YEATS4: variants seen among roughly 807,000 people sequenced by gnomAD.
YEATS4 encodes the protein YEATS domain-containing protein 4.
Under a neutral mutation model 30.1 loss-of-function variants are expected in YEATS4, and 17 were observed. The observed-to-expected ratio is 0.56, with a 90% CI of 0.39 to 0.85. The LOEUF (loss-of-function observed/expected upper bound fraction) is 0.85, where lower values mean the gene tolerates loss of function less well. Ranked by LOEUF, YEATS4 falls within the 40% of genes least tolerant of loss-of-function variation. The pLI is 0.00. For synonymous variants in YEATS4, 85 were observed against 87.5 expected (o/e 0.97, Z 0.16); for missense variants, 142 against 268.3 (o/e 0.53, Z 3.29).
the YEATS4 span, among the ~76,000 whole-genome samples, chr12:69,414,884 C>G: frequency 6.6e-6 from 1 of 152,196 alleles, no homozygotes; most frequent in East Asian, 1.9e-4. Context: ...ACGTGGCTTT[C>G]TTTCTCAGCG....
At chr12:69,368,116 T>C (rs1025272792) in intron 4 of YEATS4, among the ~76,000 whole-genome samples, 1 of 152,236 alleles carries the variant, frequency 6.6e-6, no homozygotes, top group African/African-American at 2.4e-5. Flanking sequence ...AAAAATATTA[T>C]AGGGTTTTTT....
chr12:69,372,758 G>A lies in YEATS4; in HGVS notation c.514+1783G>A, dbSNP rs185498157. ...TCACCATGTTGGCCAAGCTGGTCTC[G>A]AACTCCTGACCTCAGTTAATCCACC... On this transcript the variant is annotated intron_variant, in intron 6 of 6. Transcript: ENST00000247843. Among the ~76,000 whole-genome samples, 16 of 151,902 alleles carry A rather than the reference G, an allele frequency of 1.1e-4. No homozygotes were observed. In the East Asian group the frequency reaches 2.5e-3, roughly 24 times the overall value.
chr12:69,385,675 A>G (rs183019446), intron 6 of YEATS4, among the ~76,000 whole-genome samples: 1 of 152,302 alleles, frequency 6.6e-6, no homozygotes, highest in East Asian at 1.9e-4. Context: ...TTTTATAGAG[A>G]GAATATTTAT....
chr12:69,418,929 A>G, the YEATS4 span, among the ~76,000 whole-genome samples: 1 of 151,156 alleles, frequency 6.6e-6, no homozygotes, highest in South Asian at 2.1e-4. Flanking sequence ...TAAAACATAT[A>G]TATATGTTTT....
intron 6 of YEATS4, among the ~76,000 whole-genome samples, chr12:69,386,136 G>A (rs570449311): frequency 2.6e-5 from 4 of 152,222 alleles, no homozygotes; most frequent in African/African-American, 9.6e-5. Context: ...CAGAACACTG[G>A]AACAAGCTAA....
chr12:69,390,046 T>C (rs1868298493), intron 6 of YEATS4, 101 bp from the exon 7 acceptor site: 1 of 960,694 alleles, frequency 1.0e-6, no homozygotes, highest in Non-Finnish European at 1.5e-6. Context: ...CCACATTTCA[T>C]CATGGAAACA....
chr12:69,390,114 A>G (rs776033409), intron 6 of YEATS4, 33 bp from the exon 7 acceptor site: 2 of 1,539,134 alleles, frequency 1.3e-6, no homozygotes, highest in East Asian at 2.3e-5. Flanking sequence ...CATGTGAGAA[A>G]AATACTTTAG....
At chr12:69,371,805 A>G (rs1875649946) in intron 6 of YEATS4, among the ~76,000 whole-genome samples, 2 of 152,176 alleles carry the variant, frequency 1.3e-5, no homozygotes, top group African/African-American at 4.8e-5. Context: ...GAGACAAACA[A>G]AGTGGGGCAG....
intron 1 of YEATS4, chr12:69,361,239 T>TTA (rs1491084247): frequency 1.5e-5 from 2 of 131,948 alleles, no homozygotes; most frequent in Admixed American, 7.6e-5. Context: ...TTTAAAATAC[T>TTA]TATGTGTGTG....
At chr12:69,375,323 G>C (rs1377581405) in intron 6 of YEATS4, among the ~76,000 whole-genome samples, 1 of 147,976 alleles carries the variant, frequency 6.8e-6, no homozygotes, top group Non-Finnish European at 1.5e-5. Flanking sequence ...GGGCAGAGGC[G>C]CTCCCCACAT....
intron 6 of YEATS4, among the ~76,000 whole-genome samples, chr12:69,374,845 C>T (rs183603149): frequency 2.0e-4 from 30 of 152,052 alleles, no homozygotes; most frequent in South Asian, 4.2e-4. Flanking sequence ...CTTTTCTATT[C>T]GACAAAACCG....
chr12:69,387,863 C>T (rs1026750182), intron 6 of YEATS4, among the ~76,000 whole-genome samples: 5 of 152,162 alleles, frequency 3.3e-5, no homozygotes, highest in Non-Finnish European at 5.9e-5. Flanking sequence ...CATATTTTTT[C>T]ACTGTCTACT....
At chr12:69,413,510 G>GCCCCC in the YEATS4 span, among the ~76,000 whole-genome samples, 2 of 130,930 alleles carry the variant, frequency 1.5e-5, no homozygotes, top group Non-Finnish European at 3.2e-5. Flanking sequence ...GGTCTTCAAC[G>GCCCCC]CCCCCCCCAT....
downstream of YEATS4, among the ~76,000 whole-genome samples, chr12:69,391,604 G>A (rs144005885): frequency 4.9e-3 from 745 of 151,848 alleles, 4 homozygotes; most frequent in African/African-American, 0.017. Flanking sequence ...AATTATTATG[G>A]AGGATGTACA....
intron 4 of YEATS4, among the ~76,000 whole-genome samples, chr12:69,368,253 C>G (rs776066805): frequency 2.6e-5 from 4 of 152,072 alleles, no homozygotes; most frequent in African/African-American, 9.7e-5. Context: ...CTTCTGCTAC[C>G]CAGTAACCTA....
chr12:69,421,968 G>A, the YEATS4 span, among the ~76,000 whole-genome samples: 1 of 152,192 alleles, frequency 6.6e-6, no homozygotes, highest in African/African-American at 2.4e-5. Context: ...CTGCTTTAAG[G>A]GCTTGCTTTG....
chr12:69,418,936 T>C, the YEATS4 span, among the ~76,000 whole-genome samples: 1 of 150,848 alleles, frequency 6.6e-6, no homozygotes, highest in African/African-American at 2.4e-5. Flanking sequence ...TATATATATG[T>C]TTTATGTATA....
At chr12:69,392,916 C>T (rs1868326705), downstream of YEATS4, among the ~76,000 whole-genome samples, 1 of 152,086 alleles carries the variant, frequency 6.6e-6, no homozygotes, top group Non-Finnish European at 1.5e-5. Flanking sequence ...AATACTATAT[C>T]AAATATGAAC....
intron 6 of YEATS4, among the ~76,000 whole-genome samples, chr12:69,372,700 A>G (rs1039382813): frequency 1.3e-5 from 2 of 151,510 alleles, no homozygotes; most frequent in African/African-American, 4.9e-5. Flanking sequence ...ACACCTGGCT[A>G]ATTTTTTTTA....
Sources: gnomAD v4.1 joint callset for allele counts (sites outside exome capture counted in the v4.1 genomes callset) on GRCh38, gnomAD v4.1.1 for gene constraint, MANE v1.5 for transcripts, NCBI Gene and HGNC (gene_info 2026-07-23, HGNC 2026-07-21) for gene names.